Variants in SPEM3 observed in about 807,000 individuals in gnomAD.
SPEM3 encodes the protein uncharacterized protein SPEM3.
chr17:7,430,143 A>T lies in SPEM3; in HGVS notation c.972A>T (p.Glu324Asp). ...CTCACTCCCAGGCCCACAGCCCTGA[A>T]CACACCTCAGCCCACTCCCCAGCCC... Reference protein sequence around the residue: ...EYTHSQAHSPEHTSAHSPAQA... With the variant: ...EYTHSQAHSPDHTSAHSPAQA... The change falls in exon 3 of 3, where the codon GAA (glutamate) becomes GAT (aspartate). Residue 324 changes from glutamate (E) to aspartate (D), a missense_variant. Physicochemically the swap from Glu to Asp is conservative, Grantham distance 45. Coordinates refer to ENST00000636696, the MANE Select transcript of SPEM3 (RefSeq NM_001364708.1). 4.8e-6 allele frequency: 2 copies of T among 418,054 alleles called. No individual in the cohort carries two copies. Among genetic ancestry groups the T allele is most frequent in the Non-Finnish European group, 8.4e-6 (2 of 238,650 alleles). 25.9% of individuals were successfully genotyped at this position (418,054 alleles called of 1,614,324 possible). A position where few individuals can be genotyped will look rare whatever the true frequency, so the allele number is the denominator to read the frequency against.
In SPEM3 at chr17:7,429,489, C is replaced by A. The variant is rs1219966868; in HGVS notation, c.318C>A (p.Asn106Lys). Residue 106 changes from asparagine (N) to lysine (K), a missense_variant, in exon 3 of 3, where the codon AAC becomes AAA. Coordinates refer to ENST00000636696, the MANE Select transcript of SPEM3 (RefSeq NM_001364708.1). This position sits in a 1 kb window ranked among gnomAD's most constrained non-coding sequence, Gnocchi z 4.9. ...PRPGFLLRRV[N>K]HLDSWIPDTN... ...CAGGCTTCCTGCTCAGGCGCGTTAA[C>A]CACCTTGACTCCTGGATACCAGACA... The A allele has an allele frequency of 2.5e-6, 1 of 398,632 alleles. No homozygotes were observed. Among genetic ancestry groups the A allele is most frequent in the Non-Finnish European group, 4.4e-6 (1 of 226,086 alleles). 24.7% of individuals were successfully genotyped at this position (398,632 alleles called of 1,614,324 possible).
Position 7,430,656 on chromosome 17 carries a change from G to C in SPEM3, c.1485G>C (p.Glu495Asp), listed in dbSNP as rs1907804188. 1 of 398,546 alleles carries C rather than the reference G, an allele frequency of 2.5e-6. No homozygotes were observed. The highest frequency in any genetic ancestry group is 2.1e-5 in the African/African-American group (1 of 48,626). 24.7% of individuals were successfully genotyped at this position (398,546 alleles called of 1,614,324 possible). The change falls in exon 3 of 3, where the codon GAG becomes GAC. Residue 495 changes from glutamate (E) to aspartate (D), a missense_variant. Transcript: ENST00000636696. Reference sequence around the variant, plus strand: ...ACCTGGTGAGTTCTGGCATATCTGAGCAAACAAAGCAATGCAGTGGGGATA... The same window carrying C: ...ACCTGGTGAGTTCTGGCATATCTGACCAAACAAAGCAATGCAGTGGGGATA... ...GQDLVSSGIS[E>D]QTKQCSGDSA... is the part of the protein sequence containing the mutation.
At position 7,431,038 on chromosome 17, in the gene SPEM3, A is replaced by C; in HGVS notation, c.1867A>C (p.Thr623Pro). 2.5e-6 allele frequency: 1 copy of C among 397,808 alleles called. No homozygotes were observed. Among genetic ancestry groups the C allele is most frequent in the South Asian group, 1.3e-4 (1 of 7,820 alleles). The allele number at this position is 397,808 out of a possible 1,614,324, so 24.6% of individuals were successfully genotyped here. Residue 623 changes from threonine (T) to proline (P), a missense_variant, in exon 3 of 3, where the codon ACC (threonine) becomes CCC (proline). Transcript: ENST00000636696. ...NHQRPSTLIQ[T>P]PTVLPTSKSP... ...TCAGAGGCCTTCCACCTTAATACAA[A>C]CCCCTACTGTTCTTCCAACCTCCAA...
Position 7,430,282 on chromosome 17 carries a change from G to T in SPEM3, c.1111G>T (p.Val371Phe). 1 of 410,864 alleles carries T rather than the reference G, an allele frequency of 2.4e-6. No individual in the cohort carries two copies. The highest frequency in any genetic ancestry group is 8.9e-5 in the South Asian group (1 of 11,192). 25.5% of individuals were successfully genotyped at this position (410,864 alleles called of 1,614,324 possible). ...TCATCTAGTCCGCAGCTCCGTTCCT[G>T]TCCCAACCTCTGCCCCAGCTCCTCC... is the stretch of plus-strand genomic sequence containing the variant. ...HSHLVRSSVP[V>F]PTSAPAPPGT... is the part of the protein sequence containing the mutation. The change falls in exon 3 of 3, where the codon GTC (valine) becomes TTC (phenylalanine). Residue 371 changes from valine to phenylalanine, a missense_variant. Coordinates refer to ENST00000636696, the MANE Select transcript of SPEM3 (RefSeq NM_001364708.1).
Position 7,428,886 on chromosome 17 carries a change from T to G in SPEM3, c.-17T>G. ...GTGTGAGGGCCGGGGGCCTAGGCAG[T>G]CCTGGGACCCCAGGCCATGGGTGAG... On this transcript the variant is annotated 5_prime_UTR_variant, in exon 1 of 3. Transcript: ENST00000636696. The G allele has an allele frequency of 2.5e-6, 1 of 398,696 alleles. No individual in the cohort carries two copies. Among genetic ancestry groups the G allele is most frequent in the Admixed American group, 4.4e-5 (1 of 22,738 alleles). 24.7% of individuals were successfully genotyped at this position (398,696 alleles called of 1,614,324 possible). A position where few individuals can be genotyped will look rare whatever the true frequency, so the allele number is the denominator to read the frequency against.
Position 7,429,572 on chromosome 17 carries a change from G to A in SPEM3, c.401G>A (p.Gly134Asp). ...CCVPPKCGHAGVPRESARGLY... is the reference protein window; with the variant it reads ...CCVPPKCGHADVPRESARGLY... ...GTGCCCCCTAAATGTGGACATGCCG[G>A]CGTTCCCAGGGAGTCTGCACGGGGA... Residue 134 changes from glycine to aspartate, a missense_variant, in exon 3 of 3, where the codon GGC (glycine) becomes GAC (aspartate). Transcript: ENST00000636696. The surrounding 1 kb of genome is among the most constrained non-coding windows in gnomAD (Gnocchi z 4.9). 2.5e-6 allele frequency: 1 copy of A among 398,682 alleles called. No individual in the cohort carries two copies. The allele number at this position is 398,682 out of a possible 1,614,324, so 24.7% of individuals were successfully genotyped here.
Position 7,430,828 on chromosome 17 carries a change from A to G in SPEM3, c.1657A>G (p.Thr553Ala). The G allele has an allele frequency of 2.5e-6, 1 of 398,602 alleles. No individual in the cohort carries two copies. The highest frequency in any genetic ancestry group is 4.4e-6 in the Non-Finnish European group (1 of 226,084). 24.7% of individuals were successfully genotyped at this position (398,602 alleles called of 1,614,324 possible). The change falls in exon 3 of 3, where the codon ACA (threonine) becomes GCA (alanine). Residue 553 changes from threonine to alanine, a missense_variant. Coordinates refer to ENST00000636696, the MANE Select transcript of SPEM3 (RefSeq NM_001364708.1). Reference sequence around the variant, plus strand: ...CCATCCTTGCAGTTCTGAGAAGAACACAGACTCCCAGGCTCCATTCTACCC... The same window carrying G: ...CCATCCTTGCAGTTCTGAGAAGAACGCAGACTCCCAGGCTCCATTCTACCC... ...SFHPCSSEKNTDSQAPFYPKF... is the reference protein window; with the variant it reads ...SFHPCSSEKNADSQAPFYPKF...
rs1597735269 is a variant in SPEM3 at position 7,430,338 on chromosome 17, C to A, written c.1167C>A (p.Val389=). The A allele has an allele frequency of 4.8e-6, 2 of 419,560 alleles. No individual in the cohort carries two copies. The highest frequency in any genetic ancestry group is 7.8e-5 in the South Asian group (1 of 12,852). The allele number at this position is 419,560 out of a possible 1,614,324, so 26.0% of individuals were successfully genotyped here. A position where few individuals can be genotyped will look rare whatever the true frequency, so the allele number is the denominator to read the frequency against. Residue 389 remains valine (V), a synonymous_variant, in exon 3 of 3, where the codon GTC becomes GTA. Transcript: ENST00000636696. ...PGTLAPATTP[V]LAPTPAPVPA... ...CTCTTGCCCCAGCCACTACTCCTGT[C>A]CTAGCTCCAACACCAGCCCCTGTCC...
In SPEM3 at chr17:7,429,265, T is replaced by C. The variant is rs1907749701; in HGVS notation, c.196+18T>C. Reference sequence around the variant, plus strand: ...CCCCAAAGGTGAGTGGGCCCCTGTATGGGCTCCCAGGGATATGGGCCTGTC... The same window carrying C: ...CCCCAAAGGTGAGTGGGCCCCTGTACGGGCTCCCAGGGATATGGGCCTGTC... On this transcript the variant is annotated intron_variant, in intron 2 of 2. Transcript: ENST00000636696. This position sits in a 1 kb window ranked among gnomAD's most constrained non-coding sequence, Gnocchi z 4.9. The C allele has an allele frequency of 2.5e-6, 1 of 398,566 alleles. No individual in the cohort carries two copies. Among genetic ancestry groups the C allele is most frequent in the Non-Finnish European group, 4.4e-6 (1 of 226,048 alleles). 24.7% of individuals were successfully genotyped at this position (398,566 alleles called of 1,614,324 possible).
rs1907764970 is a variant in SPEM3 at position 7,429,654 on chromosome 17, G to A, written c.483G>A (p.Lys161=). ...GGEAPQVTAS[K]AQASLLSRPE... is the part of the protein sequence containing the mutation. Reference sequence around the variant, plus strand: ...AAGCCCCTCAGGTCACAGCCTCAAAGGCTCAAGCCTCCTTGCTCTCCAGGC... The same window carrying A: ...AAGCCCCTCAGGTCACAGCCTCAAAAGCTCAAGCCTCCTTGCTCTCCAGGC... Residue 161 remains lysine, a synonymous_variant, in exon 3 of 3, where the codon AAG becomes AAA. Coordinates refer to ENST00000636696, the MANE Select transcript of SPEM3 (RefSeq NM_001364708.1). This position sits in a 1 kb window ranked among gnomAD's most constrained non-coding sequence, Gnocchi z 4.9. The A allele has an allele frequency of 2.5e-6, 1 of 398,920 alleles. No individual in the cohort carries two copies. The highest frequency in any genetic ancestry group is 4.4e-6 in the Non-Finnish European group (1 of 226,334). 24.7% of individuals were successfully genotyped at this position (398,920 alleles called of 1,614,324 possible). A position where few individuals can be genotyped will look rare whatever the true frequency, so the allele number is the denominator to read the frequency against.
rs1233269701 is a variant in SPEM3, at chr17:7,429,926, G to A, written c.755G>A (p.Gly252Asp). 9.7e-6 allele frequency: 4 copies of A among 414,172 alleles called. No individual in the cohort carries two copies. Among genetic ancestry groups the A allele is most frequent in the South Asian group, 1.8e-4 (2 of 11,410 alleles). 25.7% of individuals were successfully genotyped at this position (414,172 alleles called of 1,614,324 possible). A position where few individuals can be genotyped will look rare whatever the true frequency, so the allele number is the denominator to read the frequency against. Residue 252 changes from glycine to aspartate, a missense_variant, in exon 3 of 3, where the codon GGC becomes GAC. Coordinates refer to ENST00000636696, the MANE Select transcript of SPEM3 (RefSeq NM_001364708.1). The surrounding 1 kb of genome is among the most constrained non-coding windows in gnomAD (Gnocchi z 4.9). ...CACTCCAAAGCCCGCACCCCTGAGG[G>A]CACCCACTCCCAGGCCCAGGACACC... ...WTHSKARTPE[G>D]THSQAQDTSA...
chr17:7,431,285 C>A lies in SPEM3; in HGVS notation c.2114C>A (p.Thr705Asn). ...GACCTCTACAAGAACCCAGGCCTTA[C>A]CCAAGATCCAGGCCTCCACGAGAAC... ...NPDLYKNPGLTQDPGLHENPG... is the reference protein window; with the variant it reads ...NPDLYKNPGLNQDPGLHENPG... Residue 705 changes from threonine to asparagine, a missense_variant, in exon 3 of 3, where the codon ACC becomes AAC. By Grantham distance (65) the Thr-to-Asn change is moderately conservative (BLOSUM62 0). Coordinates refer to ENST00000636696, the MANE Select transcript of SPEM3 (RefSeq NM_001364708.1). The A allele has an allele frequency of 2.5e-6, 1 of 398,612 alleles. No individual in the cohort carries two copies. The highest frequency in any genetic ancestry group is 4.4e-6 in the Non-Finnish European group (1 of 226,100). 24.7% of individuals were successfully genotyped at this position (398,612 alleles called of 1,614,324 possible).
In SPEM3 at chr17:7,430,558, A is replaced by G; in HGVS notation, c.1387A>G (p.Met463Val). ...ARREKQNFFH[M>V]SSPQNPEYSR... is the part of the protein sequence containing the mutation. ...CAGGGAAAAGCAGAATTTCTTCCAT[A>G]TGTCCAGCCCCCAGAACCCTGAGTA... Residue 463 changes from methionine to valine, a missense_variant, in exon 3 of 3, where the codon ATG becomes GTG. Met to Val is a conservative substitution (Grantham distance 21, BLOSUM62 1). Coordinates refer to ENST00000636696, the MANE Select transcript of SPEM3 (RefSeq NM_001364708.1). 1 of 398,784 alleles carries G rather than the reference A, an allele frequency of 2.5e-6. No homozygotes were observed. The allele number at this position is 398,784 out of a possible 1,614,324, so 24.7% of individuals were successfully genotyped here.
At position 7,430,635 on chromosome 17, in the gene SPEM3, G is replaced by A; in HGVS notation, c.1464G>A (p.Leu488=). ...TCAGGCCCCAAGAGGGTCAGGACCT[G>A]GTGAGTTCTGGCATATCTGAGCAAA... ...TLFRPQEGQD[L]VSSGISEQTK... The change falls in exon 3 of 3, where the codon CTG becomes CTA. Residue 488 remains leucine (L), a synonymous_variant. Coordinates refer to ENST00000636696, the MANE Select transcript of SPEM3 (RefSeq NM_001364708.1). The A allele has an allele frequency of 2.5e-6, 1 of 398,722 alleles. No homozygotes were observed. The allele number at this position is 398,722 out of a possible 1,614,324, so 24.7% of individuals were successfully genotyped here. A position where few individuals can be genotyped will look rare whatever the true frequency, so the allele number is the denominator to read the frequency against.
Position 7,429,285 on chromosome 17 carries a change from C to A in SPEM3, c.196+38C>A, listed in dbSNP as rs1044141233. ...CTGTATGGGCTCCCAGGGATATGGG[C>A]CTGTCCCCTTTCTCCTATCCCTGGC... On this transcript the variant is annotated intron_variant, in intron 2 of 2. Coordinates refer to ENST00000636696, the MANE Select transcript of SPEM3 (RefSeq NM_001364708.1). This position sits in a 1 kb window ranked among gnomAD's most constrained non-coding sequence, Gnocchi z 4.9. 2.5e-6 allele frequency: 1 copy of A among 398,572 alleles called. No individual in the cohort carries two copies. The highest frequency in any genetic ancestry group is 4.4e-6 in the Non-Finnish European group (1 of 226,058). 24.7% of individuals were successfully genotyped at this position (398,572 alleles called of 1,614,324 possible). A position where few individuals can be genotyped will look rare whatever the true frequency, so the allele number is the denominator to read the frequency against.
At position 7,431,477 on chromosome 17, in the gene SPEM3, G is replaced by T. The variant is rs138304775; in HGVS notation, c.2306G>T (p.Gly769Val). The change falls in exon 3 of 3, where the codon GGT (glycine) becomes GTT (valine). Residue 769 changes from glycine (G) to valine (V), a missense_variant. Transcript: ENST00000636696. ...AACACAGGTCTGACTCAAGAAGCTG[G>T]TATCCTTAGGAGCCCATGTCTCACC... The part of the protein sequence containing the change: ...QKNTGLTQEA[G>V]ILRSPCLTQS... 528 of 398,556 alleles carry T rather than the reference G, an allele frequency of 1.3e-3. 2 individuals carry two copies. Among genetic ancestry groups the T allele is most frequent in the African/African-American group, 9.1e-3 (441 of 48,714 alleles). The allele number at this position is 398,556 out of a possible 1,614,324, so 24.7% of individuals were successfully genotyped here. A position where few individuals can be genotyped will look rare whatever the true frequency, so the allele number is the denominator to read the frequency against.
Position 7,432,185 on chromosome 17 carries a change from C to G in SPEM3, c.3014C>G (p.Ser1005Cys). The G allele has an allele frequency of 2.5e-6, 1 of 398,708 alleles. No homozygotes were observed. Among genetic ancestry groups the G allele is most frequent in the Non-Finnish European group, 4.4e-6 (1 of 226,112 alleles). 24.7% of individuals were successfully genotyped at this position (398,708 alleles called of 1,614,324 possible). A position where few individuals can be genotyped will look rare whatever the true frequency, so the allele number is the denominator to read the frequency against. The change falls in exon 3 of 3, where the codon TCT (serine) becomes TGT (cysteine). Residue 1005 changes from serine to cysteine, a missense_variant. Ser to Cys is a moderately radical substitution (Grantham distance 112). Transcript: ENST00000636696. The surrounding 1 kb of genome is among the most constrained non-coding windows in gnomAD (Gnocchi z 4.1). The stretch of plus-strand genomic sequence containing the variant: ...AAGATTTCAGGCCTTACCCAGGAAT[C>G]TGGCCCCTACAAGAGCTCATGCCTC... ...LPKISGLTQE[S>C]GPYKSSCLIP...
Position 7,432,715 on chromosome 17 carries a change from C to A in SPEM3, c.3544C>A (p.Pro1182Thr). The part of the protein sequence containing the change: ...LSPRRLHQEA[P>T]SNSGKPSRSG... ...TCCTAGGCGCCTTCATCAAGAGGCA[C>A]CCAGCAACTCGGGGAAACCATCAAG... The change falls in exon 3 of 3, where the codon CCC becomes ACC. Residue 1182 changes from proline (P) to threonine (T), a missense_variant. Transcript: ENST00000636696. This position sits in a 1 kb window ranked among gnomAD's most constrained non-coding sequence, Gnocchi z 4.1. 5.0e-6 allele frequency: 2 copies of A among 398,640 alleles called. No individual in the cohort carries two copies. The highest frequency in any genetic ancestry group is 8.8e-6 in the Non-Finnish European group (2 of 226,080). 24.7% of individuals were successfully genotyped at this position (398,640 alleles called of 1,614,324 possible).
Position 7,430,308 on chromosome 17 carries a change from C to T in SPEM3, c.1137C>T (p.Pro379=), listed in dbSNP as rs974907632. Residue 379 remains proline, a synonymous_variant, in exon 3 of 3, where the codon CCC becomes CCT. Transcript: ENST00000636696. The part of the protein sequence containing the change: ...VPVPTSAPAP[P]GTLAPATTPV... ...TCCCAACCTCTGCCCCAGCTCCTCCCGGAACTCTTGCCCCAGCCACTACTC... is the reference window on the plus strand; with the variant it reads ...TCCCAACCTCTGCCCCAGCTCCTCCTGGAACTCTTGCCCCAGCCACTACTC... The T allele has an allele frequency of 2.4e-5, 10 of 413,032 alleles. No individual in the cohort carries two copies. In the South Asian group the frequency reaches 2.7e-4, roughly 11 times the overall value. The allele number at this position is 413,032 out of a possible 1,614,324, so 25.6% of individuals were successfully genotyped here.
Sources: allele counts gnomAD v4.1 joint callset, GRCh38; gene constraint gnomAD v4.1.1; non-coding constraint Gnocchi (gnomAD v3.1); transcripts MANE v1.5; gene names NCBI Gene and HGNC (gene_info 2026-07-23, HGNC 2026-07-21).